Variants in STXBP5L observed in about 807,000 individuals in gnomAD.
The protein encoded by STXBP5L is syntaxin binding protein 5L.
In STXBP5L, 65 loss-of-function variants were observed where a neutral mutation model predicts 144.5. The ratio of observed to expected loss-of-function variants is 0.45; its 90% CI spans 0.37 to 0.55. STXBP5L has a LOEUF of 0.55. Ranked by LOEUF, STXBP5L falls within the 20% of genes least tolerant of loss-of-function variation. The probability of loss-of-function intolerance (pLI) is 0.00; values close to 1 mark genes in which losing one functional copy is unlikely to be tolerated. For synonymous variants in STXBP5L, 505 were observed against 469.6 expected (o/e 1.08, Z -0.97); for missense variants, 1,298 against 1,405.5 (o/e 0.92, Z 1.22).
chr3:121,178,611 T>C (rs765650402), intron 9 of STXBP5L, among the ~76,000 whole-genome samples: 10 of 152,144 alleles, frequency 6.6e-5, no homozygotes, highest in Non-Finnish European at 1.0e-4. Flanking sequence ...GAGTGTGAGA[T>C]GGGGAGAATC....
intron 5 of STXBP5L, among the ~76,000 whole-genome samples, chr3:121,051,584 G>A (rs920784428): frequency 1.3e-5 from 2 of 152,126 alleles, no homozygotes; most frequent in African/African-American, 4.8e-5. Context: ...CACATTCAAA[G>A]CAGTGTGTAG....
chr3:120,927,118 G>A (rs1709680030), intron 2 of STXBP5L, among the ~76,000 whole-genome samples: 3 of 151,930 alleles, frequency 2.0e-5, no homozygotes, highest in South Asian at 4.2e-4. Context: ...TGTATTTTTA[G>A]TAGAGAAAGG....
chr3:121,291,079 G>T (rs1160654621), intron 19 of STXBP5L, among the ~76,000 whole-genome samples: 1 of 152,056 alleles, frequency 6.6e-6, no homozygotes, highest in Non-Finnish European at 1.5e-5. Flanking sequence ...TAAATAAAGG[G>T]CATATGAATC....
chr3:121,292,012 A>C (rs1006818348), intron 19 of STXBP5L, among the ~76,000 whole-genome samples: 3 of 152,250 alleles, frequency 2.0e-5, no homozygotes, highest in African/African-American at 7.2e-5. Context: ...TTTATGACCA[A>C]GAACCCAAAA....
chr3:121,002,385 AT>A (rs1199883390), intron 3 of STXBP5L, among the ~76,000 whole-genome samples: 2 of 152,158 alleles, frequency 1.3e-5, no homozygotes, highest in African/African-American at 2.4e-5. Context: ...TCATTTGCCC[AT>A]TTTAAAATTT....
At chr3:120,919,668 AT>A (rs1290569702) in intron 2 of STXBP5L, among the ~76,000 whole-genome samples, 1 of 151,916 alleles carries the variant, frequency 6.6e-6, no homozygotes, top group African/African-American at 2.4e-5. Flanking sequence ...TATTTGGTGA[AT>A]TCAGTTACTT....
chr3:121,056,219 T>G (rs1402397531), intron 5 of STXBP5L, among the ~76,000 whole-genome samples: 1 of 152,160 alleles, frequency 6.6e-6, no homozygotes, highest in African/African-American at 2.4e-5. Context: ...ATGATCTGAG[T>G]AATGAATAAA....
intron 9 of STXBP5L, among the ~76,000 whole-genome samples, chr3:121,205,026 A>T (rs903085261): frequency 9.9e-5 from 15 of 152,222 alleles, no homozygotes; most frequent in African/African-American, 3.4e-4. Context: ...GGAAGTTTTT[A>T]AAAATGTATT....
intron 2 of STXBP5L, 53 bp downstream of exon 2, chr3:120,909,820 G>A (rs546395628): frequency 6.6e-7 from 1 of 1,507,688 alleles, no homozygotes; most frequent in East Asian, 2.4e-5. Flanking sequence ...ACTGTTGTAA[G>A]GAAACAAGGG....
Position 120,909,629 on chromosome 3 carries a change from C to T in STXBP5L, c.51C>T (p.Ser17=). Residue 17 remains serine, a synonymous_variant, in exon 2 of 27, where the codon TCC becomes TCT. Transcript: ENST00000471454. ...RKVLDGLTAS[S]PGSGSSSGSN... ...TTTTGGATGGCTTAACTGCCTCCTC[C>T]CCTGGCAGTGGTAGCAGCAGTGGCA... 1.9e-6 allele frequency: 3 copies of T among 1,613,306 alleles called. No homozygotes were observed. In the East Asian group the frequency reaches 6.7e-5, roughly 36 times the overall value.
At chr3:121,197,652 C>T (rs2047973535) in intron 9 of STXBP5L, among the ~76,000 whole-genome samples, 1 of 152,100 alleles carries the variant, frequency 6.6e-6, no homozygotes, top group South Asian at 2.1e-4. Flanking sequence ...TCTCCCTCCC[C>T]ATCACCCCTA....
intron 9 of STXBP5L, among the ~76,000 whole-genome samples, chr3:121,174,410 A>G (rs1161372403): frequency 1.3e-5 from 2 of 151,946 alleles, no homozygotes; most frequent in African/African-American, 4.8e-5. Flanking sequence ...GTTTTTTCAG[A>G]TTGTCTTAAA....
intron 5 of STXBP5L, among the ~76,000 whole-genome samples, chr3:121,104,664 C>T (rs2043602345): frequency 6.6e-6 from 1 of 152,104 alleles, no homozygotes; most frequent in African/African-American, 2.4e-5. Flanking sequence ...CCCAATTCAA[C>T]AAGTGGTGCT....
chr3:121,099,946 C>T (rs1001402051), intron 5 of STXBP5L, among the ~76,000 whole-genome samples: 11 of 152,086 alleles, frequency 7.2e-5, no homozygotes, highest in African/African-American at 2.4e-4. Context: ...AAAGTAGTTC[C>T]TATTCTCATA....
intron 3 of STXBP5L, among the ~76,000 whole-genome samples, chr3:120,973,989 C>T (rs1487821016): frequency 2.6e-5 from 4 of 152,108 alleles, no homozygotes; most frequent in Non-Finnish European, 5.9e-5. Flanking sequence ...ATGAATAGTG[C>T]CGCAATAAAC....
At chr3:121,213,401 A>C (rs1235659236) in intron 10 of STXBP5L, among the ~76,000 whole-genome samples, 2 of 152,182 alleles carry the variant, frequency 1.3e-5, no homozygotes, top group Non-Finnish European at 2.9e-5. Context: ...TAGTTTATTG[A>C]GAGTTTTTAG....
chr3:121,351,063 C>T (rs560888360), intron 20 of STXBP5L, among the ~76,000 whole-genome samples: 1 of 152,186 alleles, frequency 6.6e-6, no homozygotes, highest in South Asian at 2.1e-4. Context: ...AGTTTTTCTG[C>T]TCTGTTTTTT....
chr3:121,062,573 G>A (rs2041335841), intron 5 of STXBP5L, among the ~76,000 whole-genome samples: 1 of 152,206 alleles, frequency 6.6e-6, no homozygotes, highest in South Asian at 2.1e-4. Context: ...GGTTGGGGAA[G>A]TTCTCCTGGA....
chr3:121,314,416 AC>A (rs2043698157), intron 19 of STXBP5L, among the ~76,000 whole-genome samples: 1 of 131,342 alleles, frequency 7.6e-6, no homozygotes, highest in South Asian at 2.8e-4. Context: ...ACACAGTGAA[AC>A]CCCGTCTCCA....
Sources: gnomAD v4.1 joint callset for allele counts (sites outside exome capture counted in the v4.1 genomes callset) on GRCh38, gnomAD v4.1.1 for gene constraint, MANE v1.5 for transcripts, NCBI Gene and HGNC (gene_info 2026-07-23, HGNC 2026-07-21) for gene names.